Variants in KLHL1 observed in about 807,000 individuals in gnomAD.
The protein encoded by KLHL1 is kelch-like protein 1.
In KLHL1, 47 loss-of-function variants were observed where a neutral mutation model predicts 77.7. The ratio of observed to expected loss-of-function variants is 0.60; its 90% CI spans 0.48 to 0.77. The LOEUF is 0.77. Among genes scored for constraint, KLHL1 ranks in the 30% least tolerant of loss-of-function variants. The pLI is 0.00. For missense variants in KLHL1, 925 were observed against 910.8 expected, an observed-to-expected ratio of 1.02 and a Z score of -0.20; for synonymous variants, 360 against 325.2, an observed-to-expected ratio of 1.11 and a Z score of -1.15.
Position 69,719,515 on chromosome 13 carries a change from A to G in KLHL1, c.1869T>C (p.His623=). 4 of 1,613,512 alleles carry G rather than the reference A, an allele frequency of 2.5e-6. No homozygotes were observed. The highest frequency in any genetic ancestry group is 3.4e-6 in the Non-Finnish European group (4 of 1,179,688). Residue 623 remains histidine (H), a synonymous_variant, in exon 9 of 11, where the codon CAT becomes CAC. Coordinates refer to ENST00000377844, the MANE Select transcript of KLHL1 (RefSeq NM_020866.3). ...CLSSMEYYDP[H]TNKWNMCAPM... ...GAGCACACATGTTCCACTTATTTGT[A>G]TGAGGATCATAATATTCCATTGAAC...
chr13:70,013,389 T>G (rs1885584368), intron 1 of KLHL1, among the ~76,000 whole-genome samples: 1 of 152,196 alleles, frequency 6.6e-6, no homozygotes, highest in Non-Finnish European at 1.5e-5. Context: ...CATATCTCTT[T>G]TAAACTAGCT....
intron 6 of KLHL1, among the ~76,000 whole-genome samples, chr13:69,832,139 G>A (rs749891364): frequency 1.3e-5 from 2 of 149,558 alleles, no homozygotes; most frequent in Non-Finnish European, 3.0e-5. Flanking sequence ...CACCAAAATT[G>A]GTAAAAAGGA....
At chr13:69,873,667 T>C (rs1472561093) in intron 5 of KLHL1, among the ~76,000 whole-genome samples, 1 of 152,146 alleles carries the variant, frequency 6.6e-6, no homozygotes, top group African/African-American at 2.4e-5. Flanking sequence ...ATGTAGATGA[T>C]GGGTTGATGG....
chr13:69,911,388 C>T (rs548119031), intron 4 of KLHL1, among the ~76,000 whole-genome samples: 1 of 151,974 alleles, frequency 6.6e-6, no homozygotes, highest in South Asian at 2.1e-4. Flanking sequence ...AATTTTGACC[C>T]TCTGGCTCTG....
chr13:70,030,450 C>CATGAA (rs1454831336), intron 1 of KLHL1, among the ~76,000 whole-genome samples: 1 of 152,154 alleles, frequency 6.6e-6, no homozygotes, highest in Non-Finnish European at 1.5e-5. Context: ...CACTCAAAAC[C>CATGAA]ACTCAACTAC....
At chr13:69,735,605 A>G (rs1422457743) in intron 8 of KLHL1, among the ~76,000 whole-genome samples, 1 of 150,316 alleles carries the variant, frequency 6.7e-6, no homozygotes, top group Non-Finnish European at 1.5e-5. Flanking sequence ...AAATATAAAT[A>G]AACATGAATA....
chr13:70,092,785 A>G (rs904619418), intron 1 of KLHL1, among the ~76,000 whole-genome samples: 1 of 152,164 alleles, frequency 6.6e-6, no homozygotes. Flanking sequence ...AACTGTCTAC[A>G]TGTGGTTGTT....
chr13:70,012,842 G>T (rs1266858512), intron 1 of KLHL1, among the ~76,000 whole-genome samples: 1 of 151,930 alleles, frequency 6.6e-6, no homozygotes, highest in African/African-American at 2.4e-5. Flanking sequence ...GGCAGAGCTT[G>T]CAGTGAGGTG....
intron 1 of KLHL1, among the ~76,000 whole-genome samples, chr13:70,078,615 T>C (rs1887317685): frequency 6.6e-6 from 1 of 152,116 alleles, no homozygotes; most frequent in African/African-American, 2.4e-5. Flanking sequence ...AAAGGTCAAT[T>C]AACATTTGAG....
intron 1 of KLHL1, among the ~76,000 whole-genome samples, chr13:70,062,556 A>G (rs1410187355): frequency 6.6e-6 from 1 of 152,188 alleles, no homozygotes; most frequent in Non-Finnish European, 1.5e-5. Context: ...AAACCTGCAC[A>G]TTCTGCACAT....
rs960927281 is a variant in KLHL1 at position 69,828,062 on chromosome 13, G to T, written c.1414+10914C>A. Among the ~76,000 whole-genome samples, 3 of 150,264 alleles carry T rather than the reference G, an allele frequency of 2.0e-5. 1 individual carries two copies. The highest frequency in any genetic ancestry group is 7.5e-5 in the African/African-American group (3 of 40,036). ...CTAACTTGCAGCTCCCACTTGGATG[G>T]ACAGAACAGCATGAGGAGACTCACA... On this transcript the variant is annotated intron_variant, in intron 6 of 10. Transcript: ENST00000377844.
chr13:69,780,745 C>T (rs199626224), intron 7 of KLHL1, among the ~76,000 whole-genome samples: 453 of 32,906 alleles, frequency 0.014, 6 homozygotes, highest in Middle Eastern at 0.032. Flanking sequence ...TATATATATA[C>T]ATATATATAT....
intron 4 of KLHL1, among the ~76,000 whole-genome samples, chr13:69,883,797 T>G (rs1380075064): frequency 6.6e-6 from 1 of 152,194 alleles, no homozygotes; most frequent in Admixed American, 6.5e-5. Context: ...TTCTTACATT[T>G]TAAGCAAAAA....
intron 6 of KLHL1, among the ~76,000 whole-genome samples, chr13:69,836,757 A>G (rs1879007039): frequency 6.6e-6 from 1 of 152,048 alleles, no homozygotes; most frequent in Admixed American, 6.6e-5. Flanking sequence ...TTTACAGCAG[A>G]CTTCTGAAGT....
At chr13:69,715,154 G>T (rs79116569) in intron 9 of KLHL1, among the ~76,000 whole-genome samples, 13,035 of 152,194 alleles carry the variant, frequency 0.086, 741 homozygotes, top group African/African-American at 0.16. Context: ...CATCTACTTA[G>T]AAAGCAGGGC....
intron 4 of KLHL1, among the ~76,000 whole-genome samples, chr13:69,895,331 A>G (rs1429722555): frequency 1.3e-5 from 2 of 152,074 alleles, no homozygotes; most frequent in East Asian, 1.9e-4. Flanking sequence ...TGCCTCCTCC[A>G]GTATCATGAC....
chr13:69,947,387 CA>C (rs1883566287), intron 3 of KLHL1, among the ~76,000 whole-genome samples: 2 of 151,966 alleles, frequency 1.3e-5, no homozygotes, highest in East Asian at 3.9e-4. Flanking sequence ...CTTCCCAGAT[CA>C]ACACTTGAAA....
At chr13:69,852,870 A>G (rs1879747997) in intron 5 of KLHL1, among the ~76,000 whole-genome samples, 1 of 152,040 alleles carries the variant, frequency 6.6e-6, no homozygotes, top group South Asian at 2.1e-4. Flanking sequence ...TCAGGAATAA[A>G]TGAAAATATA....
chr13:69,925,858 G>T (rs1803660433), intron 4 of KLHL1, among the ~76,000 whole-genome samples: 1 of 152,110 alleles, frequency 6.6e-6, no homozygotes, highest in South Asian at 2.1e-4. Flanking sequence ...TACTGTGTGA[G>T]TTATGGTTTT....
Sources: allele counts gnomAD v4.1 joint callset (sites outside exome capture counted in the v4.1 genomes callset), GRCh38; gene constraint gnomAD v4.1.1; transcripts MANE v1.5; gene names NCBI Gene and HGNC (gene_info 2026-07-23, HGNC 2026-07-21).